Variants in DLC1 observed in about 807,000 individuals in gnomAD.
DLC1 encodes the protein rho GTPase-activating protein 7.
In DLC1, 54 loss-of-function variants were observed where a neutral mutation model predicts 140.3. The observed-to-expected ratio is 0.38, with a 90% confidence interval of 0.31 to 0.48. The LOEUF (loss-of-function observed/expected upper bound fraction) is 0.48, where lower values mean the gene tolerates loss of function less well. DLC1 is among the 20% of genes least tolerant of loss of function. The pLI is 0.96. For synonymous variants in DLC1, 986 were observed against 728.1 expected (o/e 1.35, Z -5.70); for missense variants, 2,536 against 1,907.0 (o/e 1.33, Z -6.14).
intron 5 of DLC1, among the ~76,000 whole-genome samples, chr8:13,175,560 A>G (rs546662250): frequency 5.3e-4 from 81 of 152,224 alleles, no homozygotes; most frequent in Middle Eastern, 3.4e-3. Flanking sequence ...TTAAAATTCA[A>G]CTTAAAAAAA....
intron 2 of DLC1, among the ~76,000 whole-genome samples, chr8:13,488,633 C>G (rs1391638769): frequency 6.6e-6 from 1 of 152,180 alleles, no homozygotes; most frequent in Non-Finnish European, 1.5e-5. Flanking sequence ...CTTTTCTGAC[C>G]TCCCCATCTG....
intron 5 of DLC1, among the ~76,000 whole-genome samples, chr8:13,290,042 AGT>A (rs1486707805): frequency 1.3e-5 from 2 of 150,606 alleles, no homozygotes; most frequent in African/African-American, 4.9e-5. Context: ...CTGTACAGGT[AGT>A]GTCTTCAATA....
intron 5 of DLC1, among the ~76,000 whole-genome samples, chr8:13,150,308 T>C (rs1823712549): frequency 6.6e-6 from 1 of 152,240 alleles, no homozygotes; most frequent in Admixed American, 6.5e-5. Flanking sequence ...CCCAGCAGGC[T>C]TCATTATTCC....
intron 2 of DLC1, among the ~76,000 whole-genome samples, chr8:13,442,550 G>C (rs1798567375): frequency 6.6e-6 from 1 of 152,178 alleles, no homozygotes; most frequent in Admixed American, 6.5e-5. Flanking sequence ...CAAAGGATGT[G>C]AACAGACACT....
At chr8:13,516,823 T>C (rs573042473), upstream of DLC1, among the ~76,000 whole-genome samples, 12 of 152,324 alleles carry the variant, frequency 7.9e-5, no homozygotes, top group East Asian at 2.1e-3. Flanking sequence ...TGTATTCATA[T>C]GTTTTATTTT....
In DLC1 at chr8:13,560,226, C is replaced by T. The variant is rs150973896; in HGVS notation, c.-126+44311G>A. On this transcript the variant is annotated intron_variant, in intron 1 of 1. Coordinates refer to the DLC1 transcript ENST00000631382. ...CAGATCGAATAGTAGGAAATCATTG[C>T]CTAATGCTTAAAAACATTAAAAAAT... 4.9e-4 allele frequency among the ~76,000 whole-genome samples: 74 copies of T among 152,206 alleles called. 1 individual carries two copies. In the East Asian group the frequency reaches 0.013, roughly 26 times the overall value.
intron 4 of DLC1, among the ~76,000 whole-genome samples, chr8:13,388,746 A>G (rs1364227847): frequency 2.6e-5 from 4 of 152,070 alleles, no homozygotes; most frequent in Non-Finnish European, 5.9e-5. Flanking sequence ...GTATACATAT[A>G]TATACATTCA....
intron 5 of DLC1, among the ~76,000 whole-genome samples, chr8:13,303,273 T>C (rs991701138): frequency 6.6e-5 from 10 of 152,188 alleles, no homozygotes; most frequent in African/African-American, 2.2e-4. Context: ...GTATCTGAGA[T>C]GGGGCATCCT....
At chr8:13,485,003 A>C (rs1360875993) in intron 2 of DLC1, among the ~76,000 whole-genome samples, 1 of 152,146 alleles carries the variant, frequency 6.6e-6, no homozygotes, top group Non-Finnish European at 1.5e-5. Context: ...ATTCCTTGAA[A>C]ATGCTATGTC....
intron 5 of DLC1, among the ~76,000 whole-genome samples, chr8:13,137,790 G>A (rs1173216870): frequency 6.6e-6 from 1 of 151,616 alleles, no homozygotes; most frequent in Admixed American, 6.6e-5. Flanking sequence ...AAGCAATGGG[G>A]TTTCACCACA....
chr8:13,252,216 T>A (rs1830037303), intron 5 of DLC1, among the ~76,000 whole-genome samples: 1 of 152,160 alleles, frequency 6.6e-6, no homozygotes, highest in African/African-American at 2.4e-5. Context: ...TCTATGGGTG[T>A]CACAAAACTA....
intron 5 of DLC1, among the ~76,000 whole-genome samples, chr8:13,206,416 G>A (rs77399904): frequency 0.072 from 10,964 of 152,014 alleles, 864 homozygotes; most frequent in East Asian, 0.33. Context: ...AATACGTCTC[G>A]GCTTATAGTA....
chr8:13,224,324 T>C (rs1300750485), intron 5 of DLC1, among the ~76,000 whole-genome samples: 1 of 152,204 alleles, frequency 6.6e-6, no homozygotes, highest in African/African-American at 2.4e-5. Flanking sequence ...AAGATCCTAT[T>C]GCTGAGGAGC....
chr8:13,358,805 T>C lies in DLC1; in HGVS notation c.1314+34748A>G, dbSNP rs140013043. Among the ~76,000 whole-genome samples the C allele has an allele frequency of 3.2e-3, 482 of 152,328 alleles. 3 individuals are homozygous for C. Among genetic ancestry groups the C allele is most frequent in the African/African-American group, 0.011 (459 of 41,576 alleles). ...ATGGCCATTTTCTTTACTTTCTCTT[T>C]AGGTATATACTCAGTGACAAAGTTA... is the stretch of plus-strand genomic sequence containing the variant. On this transcript the variant is annotated intron_variant, in intron 4 of 17. Coordinates refer to ENST00000276297, the MANE Select transcript of DLC1 (RefSeq NM_182643.3).
chr8:13,298,689 A>G (rs952935705), intron 5 of DLC1, among the ~76,000 whole-genome samples: 11 of 152,182 alleles, frequency 7.2e-5, no homozygotes. Context: ...TCATTAAAGA[A>G]GTGATATTAT....
At chr8:13,138,910 C>G (rs149553583) in intron 5 of DLC1, among the ~76,000 whole-genome samples, 42 of 152,298 alleles carry the variant, frequency 2.8e-4, no homozygotes, top group African/African-American at 9.4e-4. Flanking sequence ...CTTCTTCACT[C>G]AGACCTTCTA....
intron 4 of DLC1, among the ~76,000 whole-genome samples, chr8:13,335,394 T>C (rs997914877): frequency 6.6e-6 from 1 of 152,170 alleles, no homozygotes; most frequent in Non-Finnish European, 1.5e-5. Context: ...AAGGACATGC[T>C]GATCAACACT....
In DLC1 at chr8:13,095,105, C is replaced by T. The variant is rs762114408; in HGVS notation, c.3308G>A (p.Arg1103Gln). Residue 1103 changes from arginine to glutamine, a missense_variant, in exon 11 of 18, where the codon CGG becomes CAG. Physicochemically the swap from Arg to Gln is conservative, Grantham distance 43. Transcript: ENST00000276297. ...QSIQQAMRYL[R>Q]NHCLDQVGLF... ...TCTCACCTGATCCAAACAATGGTTC[C>T]GGAGGTATCGCATGGCCTGCTGGAT... The T allele has an allele frequency of 2.7e-5, 44 of 1,614,114 alleles. No individual in the cohort carries two copies. The highest frequency in any genetic ancestry group is 4.0e-5 in the African/African-American group (3 of 74,934).
intron 2 of DLC1, among the ~76,000 whole-genome samples, chr8:13,457,137 A>G (rs149827621): frequency 2.0e-5 from 3 of 152,254 alleles, no homozygotes; most frequent in African/African-American, 7.2e-5. Flanking sequence ...TGTCTTTGTC[A>G]GAATATTGCG....
Sources: allele counts gnomAD v4.1 joint callset (sites outside exome capture counted in the v4.1 genomes callset), GRCh38; gene constraint gnomAD v4.1.1; transcripts MANE v1.5; gene names NCBI Gene and HGNC (gene_info 2026-07-23, HGNC 2026-07-21).